Variants in AFF3 observed in about 807,000 individuals in gnomAD.
The protein encoded by AFF3 is ALF transcription elongation factor 3.
AFF3 carries 32 observed loss-of-function variants against 129.7 expected under a neutral mutation model. The observed-to-expected ratio is 0.25, with a 90% CI of 0.19 to 0.33. The LOEUF (loss-of-function observed/expected upper bound fraction) is 0.33, where lower values mean the gene tolerates loss of function less well. Among genes scored for constraint, AFF3 ranks in the 10% least tolerant of loss-of-function variants. The pLI is 1.00. For missense variants in AFF3, 1,373 were observed against 1,592.0 expected (o/e 0.86, Z 2.34); for synonymous variants, 644 against 635.4 (o/e 1.01, Z -0.20).
intron 4 of AFF3, among the ~76,000 whole-genome samples, chr2:100,012,959 T>TA (rs1682683178): frequency 6.6e-6 from 1 of 152,236 alleles, no homozygotes; most frequent in Non-Finnish European, 1.5e-5. Flanking sequence ...CAAATGTATT[T>TA]ATTTATTTTG....
intron 13 of AFF3, among the ~76,000 whole-genome samples, chr2:99,632,346 C>T (rs1281628356): frequency 2.6e-5 from 4 of 152,048 alleles, no homozygotes; most frequent in East Asian, 3.9e-4. Flanking sequence ...TTTAAGTAGC[C>T]GTCCTAATGG....
At chr2:99,615,862 T>G (rs1681373198) in intron 13 of AFF3, among the ~76,000 whole-genome samples, 1 of 152,222 alleles carries the variant, frequency 6.6e-6, no homozygotes, top group South Asian at 2.1e-4. Flanking sequence ...TCCAACTTCC[T>G]CTGTGTGCTC....
chr2:99,990,790 T>C (rs1047354376), intron 7 of AFF3, among the ~76,000 whole-genome samples: 3 of 152,102 alleles, frequency 2.0e-5, no homozygotes, highest in African/African-American at 7.2e-5. Flanking sequence ...CAACAAGGTG[T>C]GGATATGGTA....
chr2:99,747,282 G>A lies in AFF3; in HGVS notation c.1003-3142C>T, dbSNP rs183742718. Among the ~76,000 whole-genome samples the A allele has an allele frequency of 7.1e-3, 1,077 of 151,976 alleles. 12 individuals are homozygous for A. The highest frequency in any genetic ancestry group is 0.024 in the African/African-American group (1,013 of 41,464). On this transcript the variant is annotated intron_variant, in intron 9 of 24. Coordinates refer to ENST00000672756, the MANE Select transcript of AFF3 (RefSeq NM_001386135.1). ...TGGCCTCAAGTGATCCACCTGCCTCGGCCTCCCAAAGTGCTGGGATTACAG... is the reference window on the plus strand; with the variant it reads ...TGGCCTCAAGTGATCCACCTGCCTCAGCCTCCCAAAGTGCTGGGATTACAG...
chr2:99,965,151 C>CA (rs1212182757), intron 7 of AFF3, among the ~76,000 whole-genome samples: 28 of 151,696 alleles, frequency 1.8e-4, no homozygotes, highest in Middle Eastern at 3.4e-3. Flanking sequence ...CACAAATTTT[C>CA]AAAAAAAATC....
At chr2:100,044,943 G>A (rs1216385867) in intron 4 of AFF3, among the ~76,000 whole-genome samples, 1 of 152,096 alleles carries the variant, frequency 6.6e-6, no homozygotes, top group Non-Finnish European at 1.5e-5. Context: ...GACATGAAGA[G>A]AGAGATGGGA....
chr2:99,868,119 C>T (rs1477508686), intron 7 of AFF3, among the ~76,000 whole-genome samples: 1 of 151,788 alleles, frequency 6.6e-6, no homozygotes, highest in East Asian at 1.9e-4. Context: ...AATGCTTTCA[C>T]AGCTTTTGAA....
At chr2:99,594,794 G>A (rs529157035) in intron 14 of AFF3, among the ~76,000 whole-genome samples, 105 of 152,274 alleles carry the variant, frequency 6.9e-4, no homozygotes, top group African/African-American at 2.3e-3. Flanking sequence ...AGGCAGGTAG[G>A]CTGTAGTAAT....
chr2:100,052,975 T>C (rs559320173), intron 4 of AFF3, among the ~76,000 whole-genome samples: 2 of 152,320 alleles, frequency 1.3e-5, no homozygotes, highest in South Asian at 4.1e-4. Context: ...GCAGGGCTTC[T>C]GTTAAAAGGT....
intron 4 of AFF3, among the ~76,000 whole-genome samples, chr2:100,026,172 G>C (rs892157226): frequency 1.3e-5 from 2 of 152,112 alleles, no homozygotes; most frequent in Middle Eastern, 3.4e-3. Flanking sequence ...TTAATATCTA[G>C]AATCTACAAC....
At chr2:100,107,061 G>A in intron 2 of AFF3, 1 of 985,364 alleles carries the variant, frequency 1.0e-6, no homozygotes, top group African/African-American at 1.7e-5. Flanking sequence ...GTTTCTTTAG[G>A]AATAGCCATG....
In AFF3 at chr2:99,966,689, C is replaced by CAAA. The variant is rs61351679; in HGVS notation, c.873+39940_873+39942dup. On this transcript the variant is annotated intron_variant, in intron 7 of 24. Coordinates refer to ENST00000672756, the MANE Select transcript of AFF3 (RefSeq NM_001386135.1). ...TGGGCGACAGAGCGAGACTCCGTCT[C>CAAA]AAAAAAAAAAAAAAAAAAAAAAAAA... Among the ~76,000 whole-genome samples, 108 of 36,730 alleles carry CAAA rather than the reference C, an allele frequency of 2.9e-3. 3 individuals carry two copies. The highest frequency in any genetic ancestry group is 6.1e-3 in the East Asian group (3 of 492). The allele number at this position is 36,730 out of a possible 152,430, so 24.1% of individuals were successfully genotyped here. A position where few individuals can be genotyped will look rare whatever the true frequency, so the allele number is the denominator to read the frequency against.
chr2:99,814,765 A>C (rs1687085549), intron 8 of AFF3, among the ~76,000 whole-genome samples: 1 of 148,032 alleles, frequency 6.8e-6, no homozygotes, highest in Non-Finnish European at 1.5e-5. Context: ...TCCCAGGATT[A>C]CAGCCCAAAG....
At chr2:99,723,735 T>C (rs1679108991) in intron 11 of AFF3, among the ~76,000 whole-genome samples, 1 of 152,218 alleles carries the variant, frequency 6.6e-6, no homozygotes, top group Non-Finnish European at 1.5e-5. Context: ...CCAAAATTTA[T>C]ATGTTGAAAT....
In AFF3 at chr2:99,757,344, T is replaced by C. The variant is rs113896840; in HGVS notation, c.922-5043A>G. Among the ~76,000 whole-genome samples, 1,236 of 152,318 alleles carry C rather than the reference T, an allele frequency of 8.1e-3. 15 individuals carry two copies. Among genetic ancestry groups the C allele is most frequent in the African/African-American group, 0.028 (1,184 of 41,570 alleles). ...CACGCCACACAAACTTTTCTTCTTCTTGTACTTTATATGCTGGTTAATGGC... is the reference window on the plus strand; with the variant it reads ...CACGCCACACAAACTTTTCTTCTTCCTGTACTTTATATGCTGGTTAATGGC... On this transcript the variant is annotated intron_variant, in intron 8 of 24. Transcript: ENST00000672756.
At chr2:99,601,072 C>T (rs1679781016) in intron 14 of AFF3, among the ~76,000 whole-genome samples, 1 of 152,174 alleles carries the variant, frequency 6.6e-6, no homozygotes, top group South Asian at 2.1e-4. Context: ...GTCACACTTC[C>T]CAGGCGGTGA....
intron 7 of AFF3, among the ~76,000 whole-genome samples, chr2:99,943,892 T>G (rs141577431): frequency 1.4e-3 from 206 of 151,676 alleles, no homozygotes; most frequent in African/African-American, 4.7e-3. Flanking sequence ...TTGATAATTT[T>G]TTCCACTGAA....
chr2:99,948,691 C>G (rs1390814199), intron 7 of AFF3, among the ~76,000 whole-genome samples: 1 of 152,266 alleles, frequency 6.6e-6, no homozygotes, highest in African/African-American at 2.4e-5. Context: ...AAGGCCAGAG[C>G]AGGACAAGCA....
At position 99,550,487 on chromosome 2, in the gene AFF3, T is replaced by C; in HGVS notation, c.*987A>G. ...AGGGACAATCTAGGTAATGGCCTCA[T>C]TTAGCCAAGAAAATCTGTAAGAAAG... On this transcript the variant is annotated 3_prime_UTR_variant, in exon 25 of 25. Coordinates refer to ENST00000672756, the MANE Select transcript of AFF3 (RefSeq NM_001386135.1). The C allele has an allele frequency of 4.3e-6, 1 of 231,264 alleles. No homozygotes were observed. The highest frequency in any genetic ancestry group is 6.1e-5 in the East Asian group (1 of 16,310). 14.3% of individuals were successfully genotyped at this position (231,264 alleles called of 1,614,324 possible). A position where few individuals can be genotyped will look rare whatever the true frequency, so the allele number is the denominator to read the frequency against.
Sources: gnomAD v4.1 joint callset for allele counts (sites outside exome capture counted in the v4.1 genomes callset) on GRCh38, gnomAD v4.1.1 for gene constraint, MANE v1.5 for transcripts, NCBI Gene and HGNC (gene_info 2026-07-23, HGNC 2026-07-21) for gene names.